FAT3: variants seen among roughly 807,000 people sequenced by gnomAD.
The protein encoded by FAT3 is protocadherin Fat 3.
Under a neutral mutation model 310.2 loss-of-function variants are expected in FAT3, and 95 were observed. The observed-to-expected ratio is 0.31, with a 90% CI of 0.26 to 0.36. FAT3 has a LOEUF of 0.36. Ranked by LOEUF, FAT3 falls within the 10% of genes least tolerant of loss-of-function variation. FAT3 has a pLI of 1.00. For synonymous variants in FAT3, 2,314 were observed against 2,192.9 expected, an observed-to-expected ratio of 1.06 and a Z score of -1.54; for missense variants, 5,408 against 5,715.6, an observed-to-expected ratio of 0.95 and a Z score of 1.74.
intron 2 of FAT3, among the ~76,000 whole-genome samples, chr11:92,504,542 A>T (rs568503506): frequency 6.6e-6 from 1 of 152,112 alleles, no homozygotes. Flanking sequence ...TTAAAATCCT[A>T]TGTTGCCTAT....
intron 4 of FAT3, among the ~76,000 whole-genome samples, chr11:92,721,888 A>G (rs1944871271): frequency 6.6e-6 from 1 of 152,072 alleles, no homozygotes; most frequent in East Asian, 1.9e-4. Flanking sequence ...CATGAAACTT[A>G]TTCACTATTA....
At chr11:92,456,048 T>C (rs1401060513) in intron 2 of FAT3, among the ~76,000 whole-genome samples, 1 of 152,168 alleles carries the variant, frequency 6.6e-6, no homozygotes, top group Non-Finnish European at 1.5e-5. Flanking sequence ...GCAATGAGAT[T>C]TTTGCCTTTC....
chr11:92,782,697 A>G (rs897985772), intron 7 of FAT3, among the ~76,000 whole-genome samples: 2 of 152,216 alleles, frequency 1.3e-5, no homozygotes, highest in African/African-American at 4.8e-5. Flanking sequence ...GCAATTAATG[A>G]AATTGGCCAG....
At chr11:92,444,667 G>T (rs988453066) in intron 2 of FAT3, among the ~76,000 whole-genome samples, 18 of 136,670 alleles carry the variant, frequency 1.3e-4, no homozygotes, top group Non-Finnish European at 1.9e-4. Flanking sequence ...ACTGGGGGGG[G>T]GGGAAAACAT....
intron 13 of FAT3, among the ~76,000 whole-genome samples, chr11:92,822,128 CA>C (rs1157539245): frequency 1.3e-5 from 2 of 152,080 alleles, no homozygotes; most frequent in African/African-American, 4.8e-5. Context: ...TTCTTCCAAA[CA>C]GGGATCAAAA....
chr11:92,448,758 G>A (rs376158426), intron 2 of FAT3, among the ~76,000 whole-genome samples: 5 of 152,074 alleles, frequency 3.3e-5, no homozygotes, highest in Admixed American at 6.6e-5. Context: ...GTGCTTTCAC[G>A]TTTCCTTTCT....
intron 10 of FAT3, 106 bp downstream of exon 10, chr11:92,802,015 G>A (rs1409826888): frequency 3.7e-6 from 4 of 1,081,230 alleles, no homozygotes; most frequent in Non-Finnish European, 5.3e-6. Context: ...AAGGAGTCCA[G>A]TGTAATGAAG....
At chr11:92,323,707 T>A (rs1947688902) in intron 1 of FAT3, among the ~76,000 whole-genome samples, 1 of 151,022 alleles carries the variant, frequency 6.6e-6, no homozygotes. Context: ...ACAAGCAGAG[T>A]AGATTTAGCA....
intron 3 of FAT3, among the ~76,000 whole-genome samples, chr11:92,607,145 T>C (rs1459242915): frequency 6.6e-6 from 1 of 152,224 alleles, no homozygotes; most frequent in African/African-American, 2.4e-5. Context: ...AACCAACTCA[T>C]ATTTTGGTAG....
chr11:92,240,264 G>A (rs1176449471), intron 1 of FAT3, among the ~76,000 whole-genome samples: 3 of 152,000 alleles, frequency 2.0e-5, no homozygotes, highest in Non-Finnish European at 4.4e-5. Flanking sequence ...GGAAAGAAGT[G>A]AACTTGTGAC....
rs1197907008 is a variant in FAT3 at position 92,893,604 on chromosome 11, C to A, written c.*2491C>A. ...AAGAATAAATAGATCCTAATGCAGT[C>A]ATGAAGCCACTGAAGAAAATTGTGC... is the stretch of plus-strand genomic sequence containing the variant. On this transcript the variant is annotated 3_prime_UTR_variant, in exon 28 of 28. Transcript: ENST00000525166. 1 of 152,204 alleles carries A rather than the reference C, an allele frequency of 6.6e-6. No homozygotes were observed. Among genetic ancestry groups the A allele is most frequent in the Non-Finnish European group, 1.5e-5 (1 of 68,040 alleles). The allele number at this position is 152,204 out of a possible 1,614,324, so 9.4% of individuals were successfully genotyped here.
At chr11:92,697,349 A>T in intron 3 of FAT3, 35 bp from the exon 4 acceptor site, 1 of 1,605,606 alleles carries the variant, frequency 6.2e-7, no homozygotes, top group Non-Finnish European at 8.5e-7. Flanking sequence ...TTTGCCCCAG[A>T]TATTTAAAAG....
At chr11:92,700,982 T>C (rs1944081539) in intron 4 of FAT3, among the ~76,000 whole-genome samples, 1 of 152,210 alleles carries the variant, frequency 6.6e-6, no homozygotes, top group Admixed American at 6.5e-5. Flanking sequence ...ATGGTATCAT[T>C]GAGAATGTAG....
chr11:92,268,828 A>G (rs1357022730), intron 1 of FAT3, among the ~76,000 whole-genome samples: 1 of 152,224 alleles, frequency 6.6e-6, no homozygotes, highest in Non-Finnish European at 1.5e-5. Context: ...CAGTGTTCCA[A>G]CTAACAATTT....
chr11:92,561,357 T>A (rs906448325), intron 3 of FAT3, among the ~76,000 whole-genome samples: 3 of 152,014 alleles, frequency 2.0e-5, no homozygotes, highest in African/African-American at 7.2e-5. Flanking sequence ...GAGAGCTGTT[T>A]GAAGGAAAGT....
chr11:92,680,373 C>T, intron 3 of FAT3, among the ~76,000 whole-genome samples: 1 of 152,168 alleles, frequency 6.6e-6, no homozygotes. Flanking sequence ...GCTATCCTTT[C>T]TCAATGTATG....
chr11:92,447,175 A>G (rs1056280576), intron 2 of FAT3, among the ~76,000 whole-genome samples: 1 of 151,604 alleles, frequency 6.6e-6, no homozygotes, highest in African/African-American at 2.4e-5. Context: ...ATGTGTACAT[A>G]TGTGTGTGTA....
intron 7 of FAT3, among the ~76,000 whole-genome samples, chr11:92,785,835 T>G (rs887288977): frequency 6.6e-6 from 1 of 152,172 alleles, no homozygotes; most frequent in Admixed American, 6.5e-5. Flanking sequence ...TCAGGTGCTA[T>G]ACAGGTTTAT....
intron 3 of FAT3, among the ~76,000 whole-genome samples, chr11:92,645,464 A>G (rs1942116521): frequency 6.6e-6 from 1 of 151,152 alleles, no homozygotes; most frequent in Admixed American, 6.6e-5. Context: ...TTAGGACTCC[A>G]AAGGCAAAGA....
Sources: gnomAD v4.1 joint callset for allele counts (sites outside exome capture counted in the v4.1 genomes callset) on GRCh38, gnomAD v4.1.1 for gene constraint, MANE v1.5 for transcripts, NCBI Gene and HGNC (gene_info 2026-07-23, HGNC 2026-07-21) for gene names.